The following CRKL variants were observed in gnomAD, a reference collection of about 807,000 sequenced individuals.
The protein encoded by CRKL is crk-like protein.
A neutral mutation model predicts 23.0 loss-of-function variants in CRKL; 3 were observed. The observed-to-expected ratio is 0.13, with a 90% CI of 0.06 to 0.34. CRKL has a LOEUF of 0.34. CRKL is among the 10% of genes least tolerant of loss of function. The pLI is 1.00. For synonymous variants in CRKL, 188 were observed against 160.7 expected (o/e 1.17, Z -1.28); for missense variants, 256 against 394.5 (o/e 0.65, Z 2.97).
intron 1 of CRKL, among the ~76,000 whole-genome samples, chr22:20,933,208 A>G (rs1921518963): frequency 6.6e-6 from 1 of 151,712 alleles, no homozygotes; most frequent in Non-Finnish European, 1.5e-5. Context: ...GTCTCTACTA[A>G]AAATAGAAAA....
intron 1 of CRKL, among the ~76,000 whole-genome samples, chr22:20,923,624 G>C (rs1438365918): frequency 6.9e-6 from 1 of 145,166 alleles, no homozygotes; most frequent in Admixed American, 7.1e-5. Context: ...TGCCAGGCTG[G>C]AGTGTGGTGG....
intron 2 of CRKL, among the ~76,000 whole-genome samples, chr22:20,936,745 C>T (rs905519347): frequency 1.3e-5 from 2 of 152,106 alleles, no homozygotes; most frequent in Non-Finnish European, 2.9e-5. Flanking sequence ...TTCATGTTGG[C>T]TATAAGGAAA....
rs1922317032 is a variant in CRKL, at chr22:20,952,568, C to T, written c.*2723C>T. The T allele has an allele frequency of 8.6e-6, 2 of 232,648 alleles. No homozygotes were observed. The highest frequency in any genetic ancestry group is 1.7e-5 in the Non-Finnish European group (2 of 117,564). The allele number at this position is 232,648 out of a possible 1,614,324, so 14.4% of individuals were successfully genotyped here. ...TATGAATGCAGCACTGCTGCCTCAG[C>T]TCAGCTTCGTGCCTGGGTTCCCCAC... On this transcript the variant is annotated 3_prime_UTR_variant, in exon 3 of 3. Coordinates refer to ENST00000354336, the MANE Select transcript of CRKL (RefSeq NM_005207.4).
chr22:20,945,846 G>A (rs1362944172), intron 2 of CRKL, among the ~76,000 whole-genome samples: 1 of 152,166 alleles, frequency 6.6e-6, no homozygotes, highest in Non-Finnish European at 1.5e-5. Flanking sequence ...ACACATAGAT[G>A]TTCAATATTT....
chr22:20,929,563 AAG>A (rs1179949069), intron 1 of CRKL, among the ~76,000 whole-genome samples: 2 of 151,924 alleles, frequency 1.3e-5, no homozygotes, highest in South Asian at 2.1e-4. Context: ...TCCCGGGTTC[AAG>A]CAATTCTCTT....
intron 1 of CRKL, among the ~76,000 whole-genome samples, chr22:20,932,032 C>G (rs905285039): frequency 6.6e-6 from 1 of 151,852 alleles, no homozygotes; most frequent in South Asian, 2.1e-4. Context: ...AGGATGGTCT[C>G]GATCTCCTGA....
At chr22:20,945,560 G>A (rs984657705) in intron 2 of CRKL, among the ~76,000 whole-genome samples, 1 of 152,072 alleles carries the variant, frequency 6.6e-6, no homozygotes, top group East Asian at 1.9e-4. Flanking sequence ...CTACTCTGAA[G>A]GATAGTGGTA....
chr22:20,945,137 G>A (rs1331135347), intron 2 of CRKL, among the ~76,000 whole-genome samples: 1 of 151,958 alleles, frequency 6.6e-6, no homozygotes, highest in Non-Finnish European at 1.5e-5. Flanking sequence ...GGGACTACAG[G>A]CGCCTCCTAC....
chr22:20,926,980 C>T lies in CRKL; in HGVS notation c.312-6799C>T, dbSNP rs184196425. Among the ~76,000 whole-genome samples, 61 of 151,218 alleles carry T rather than the reference C, an allele frequency of 4.0e-4. 1 individual carries two copies. Among genetic ancestry groups the T allele is most frequent in the African/African-American group, 1.5e-3 (60 of 41,244 alleles). On this transcript the variant is annotated intron_variant, in intron 1 of 2. Coordinates refer to ENST00000354336, the MANE Select transcript of CRKL (RefSeq NM_005207.4). ...ATAAAAAATTAGCCAGGCATGGTGG[C>T]GTGCGCCTATAGTCCCAGCTACTCG...
intron 1 of CRKL, among the ~76,000 whole-genome samples, chr22:20,921,638 A>C (rs1240152521): frequency 6.6e-6 from 1 of 152,124 alleles, no homozygotes; most frequent in East Asian, 1.9e-4. Flanking sequence ...TTCCAAGTTT[A>C]GGGAAAAGCT....
At chr22:20,927,702 G>T (rs968266874) in intron 1 of CRKL, among the ~76,000 whole-genome samples, 1 of 150,326 alleles carries the variant, frequency 6.7e-6, no homozygotes, top group Non-Finnish European at 1.5e-5. Context: ...AATTAGCCGG[G>T]CGTGGTGGTA....
chr22:20,928,244 C>T (rs1194257552), intron 1 of CRKL, among the ~76,000 whole-genome samples: 2 of 151,096 alleles, frequency 1.3e-5, no homozygotes, highest in Admixed American at 6.6e-5. Flanking sequence ...ATTGCTTGAG[C>T]CCAGGAGTTC....
intron 2 of CRKL, among the ~76,000 whole-genome samples, chr22:20,949,171 T>G (rs1004095487): frequency 6.6e-6 from 1 of 152,122 alleles, no homozygotes; most frequent in Non-Finnish European, 1.5e-5. Context: ...GGTTGCCCAG[T>G]CTGGGGTGCC....
chr22:20,936,510 G>A (rs1006691788), intron 2 of CRKL, among the ~76,000 whole-genome samples: 16 of 151,698 alleles, frequency 1.1e-4, no homozygotes, highest in Non-Finnish European at 1.5e-4. Context: ...CACCATGCCC[G>A]GCTAATTTTT....
intron 2 of CRKL, among the ~76,000 whole-genome samples, chr22:20,943,132 T>C (rs953985110): frequency 6.6e-6 from 1 of 152,224 alleles, no homozygotes; most frequent in Non-Finnish European, 1.5e-5. Flanking sequence ...TAGTGACTGA[T>C]GTTGAGCATC....
chr22:20,947,420 C>T (rs768948388), intron 2 of CRKL, among the ~76,000 whole-genome samples: 3 of 151,256 alleles, frequency 2.0e-5, no homozygotes, highest in Non-Finnish European at 4.4e-5. Flanking sequence ...GCAACCTCCA[C>T]CTCCCAGGTT....
intron 2 of CRKL, among the ~76,000 whole-genome samples, chr22:20,944,647 C>T (rs1921991128): frequency 6.6e-6 from 1 of 152,114 alleles, no homozygotes; most frequent in Non-Finnish European, 1.5e-5. Flanking sequence ...TCGTGATCCA[C>T]CTGCCTCGGC....
At chr22:20,932,973 G>A (rs1330868590) in intron 1 of CRKL, among the ~76,000 whole-genome samples, 2 of 151,952 alleles carry the variant, frequency 1.3e-5, no homozygotes, top group Non-Finnish European at 2.9e-5. Flanking sequence ...TCAGCTACTC[G>A]GGAGGCTGAG....
chr22:20,922,171 C>T lies in CRKL; in HGVS notation c.311+3926C>T, dbSNP rs558423465. Among the ~76,000 whole-genome samples, 22 of 151,834 alleles carry T rather than the reference C, an allele frequency of 1.4e-4. No homozygotes were observed. In the South Asian group the frequency reaches 2.7e-3, roughly 19 times the overall value. On this transcript the variant is annotated intron_variant, in intron 1 of 2. Transcript: ENST00000354336. ...GGGACTGCATGGGACTACAGGCACCCGCCACCATGTCCGGCTAATTTTTGT... is the reference window on the plus strand; with the variant it reads ...GGGACTGCATGGGACTACAGGCACCTGCCACCATGTCCGGCTAATTTTTGT...
Sources: allele counts gnomAD v4.1 joint callset (sites outside exome capture counted in the v4.1 genomes callset), GRCh38; gene constraint gnomAD v4.1.1; transcripts MANE v1.5; gene names NCBI Gene and HGNC (gene_info 2026-07-23, HGNC 2026-07-21).